The following MYO18B variants were observed in gnomAD, a reference collection of about 807,000 sequenced individuals.
MYO18B encodes unconventional myosin-XVIIIb.
MYO18B carries 204 observed loss-of-function variants against 273.0 expected under a neutral mutation model. The observed-to-expected ratio is 0.75, with a 90% CI of 0.67 to 0.84. MYO18B has a LOEUF of 0.84. Among genes scored for constraint, MYO18B ranks in the 40% least tolerant of loss-of-function variants. The probability of loss-of-function intolerance (pLI) is 0.00; values close to 1 mark genes in which losing one functional copy is unlikely to be tolerated. For missense variants in MYO18B, 3,212 were observed against 3,287.6 expected (o/e 0.98, Z 0.56); for synonymous variants, 1,330 against 1,305.7 (o/e 1.02, Z -0.40).
intron 16 of MYO18B, among the ~76,000 whole-genome samples, chr22:25,834,824 C>T (rs1344720066): frequency 1.3e-5 from 2 of 152,122 alleles, no homozygotes; most frequent in Non-Finnish European, 2.9e-5. Flanking sequence ...CTTTTTTTCT[C>T]CTCCCCAAGA....
At chr22:25,932,727 C>T (rs1013825085) in intron 34 of MYO18B, among the ~76,000 whole-genome samples, 1 of 152,028 alleles carries the variant, frequency 6.6e-6, no homozygotes, top group Non-Finnish European at 1.5e-5. Flanking sequence ...ATTTTCTAAT[C>T]CAGGAGTTGG....
rs114425004 is a variant in MYO18B, at chr22:25,921,122, G to A, written c.5365-135G>A. On this transcript the variant is annotated intron_variant, in intron 33 of 43. Transcript: ENST00000335473. Reference sequence around the variant, plus strand: ...GTTGAGGAAACTGAGGCTCGGAGAGGAGAATGGTCTTGTCCAAGGTCACAC... The same window carrying A: ...GTTGAGGAAACTGAGGCTCGGAGAGAAGAATGGTCTTGTCCAAGGTCACAC... The A allele has an allele frequency of 3.2e-4, 264 of 837,354 alleles. 2 individuals are homozygous for A. The African/African-American group carries it at 4.0e-3, about 13-fold the overall frequency. The allele number at this position is 837,354 out of a possible 1,614,324, so 51.9% of individuals were successfully genotyped here. A position where few individuals can be genotyped will look rare whatever the true frequency, so the allele number is the denominator to read the frequency against.
In MYO18B at chr22:25,982,572, A is replaced by G. The variant is rs965882959; in HGVS notation, c.6157-9791A>G. Among the ~76,000 whole-genome samples the G allele has an allele frequency of 5.9e-5, 9 of 152,214 alleles. No homozygotes were observed. The South Asian group carries it at 1.9e-3, about 32-fold the overall frequency. ...GTGCCTTCTGGAGGCCCTAGGGGAC[A>G]ATCTGTTCCAGCCTCTTCTAGCTTC... On this transcript the variant is annotated intron_variant, in intron 39 of 43. Coordinates refer to ENST00000335473, the MANE Select transcript of MYO18B (RefSeq NM_032608.7).
intron 42 of MYO18B, among the ~76,000 whole-genome samples, chr22:26,018,601 C>T (rs780661596): frequency 1.3e-5 from 2 of 152,134 alleles, no homozygotes; most frequent in Admixed American, 6.5e-5. Context: ...CTTGAGCCAT[C>T]GCCGCCATTG....
intron 39 of MYO18B, among the ~76,000 whole-genome samples, chr22:25,988,798 G>A (rs1358789591): frequency 6.6e-6 from 1 of 152,204 alleles, no homozygotes; most frequent in African/African-American, 2.4e-5. Context: ...AAAGCCCTGT[G>A]AGGGAGGGTC....
Position 25,992,510 on chromosome 22 carries a change from T to A in MYO18B, c.6287+17T>A. On this transcript the variant is annotated intron_variant, in intron 40 of 43. Transcript: ENST00000335473. ...TACTGAGAGGTAACTTGCTAGGGGC[T>A]CGGCGGGGCTGGGCGCAGCAGGTGG... 1 of 1,613,572 alleles carries A rather than the reference T, an allele frequency of 6.2e-7. No homozygotes were observed. Among genetic ancestry groups the A allele is most frequent in the Non-Finnish European group, 8.5e-7 (1 of 1,179,814 alleles).
At chr22:25,811,312 C>A in intron 12 of MYO18B, among the ~76,000 whole-genome samples, 1 of 152,060 alleles carries the variant, frequency 6.6e-6, no homozygotes, top group East Asian at 1.9e-4. Flanking sequence ...CATGAGCCAC[C>A]GCGCCAGGCT....
intron 42 of MYO18B, among the ~76,000 whole-genome samples, chr22:26,026,135 A>T (rs1936220642): frequency 6.6e-6 from 1 of 152,224 alleles, no homozygotes; most frequent in African/African-American, 2.4e-5. Flanking sequence ...CTCTGGGATG[A>T]TAGGTCCTAT....
chr22:26,009,429 C>A (rs1342222750), intron 42 of MYO18B, among the ~76,000 whole-genome samples: 1 of 152,194 alleles, frequency 6.6e-6, no homozygotes, highest in Non-Finnish European at 1.5e-5. Context: ...CATCACCTTG[C>A]TGTCCTATTG....
intron 3 of MYO18B, among the ~76,000 whole-genome samples, chr22:25,767,576 A>C (rs2086551622): frequency 1.3e-5 from 2 of 152,226 alleles, no homozygotes; most frequent in Admixed American, 6.5e-5. Context: ...GCCTAGCTGG[A>C]GAGTGTTAGA....
chr22:25,959,749 G>T (rs2092897490), intron 39 of MYO18B, among the ~76,000 whole-genome samples: 1 of 152,224 alleles, frequency 6.6e-6, no homozygotes, highest in Non-Finnish European at 1.5e-5. Flanking sequence ...TCAGCAAGTG[G>T]AGAACATGGA....
At chr22:25,787,272 GCACACACACACA>G (rs10598069) in intron 11 of MYO18B, among the ~76,000 whole-genome samples, 2,711 of 136,586 alleles carry the variant, frequency 0.02, 31 homozygotes, top group Non-Finnish European at 0.027. Context: ...GCAGGCGCGC[GCACACACACACA>G]CACACACACA....
intron 17 of MYO18B, among the ~76,000 whole-genome samples, chr22:25,839,911 C>G (rs898794856): frequency 6.6e-6 from 1 of 152,194 alleles, no homozygotes; most frequent in African/African-American, 2.4e-5. Flanking sequence ...CCTGGTGAAA[C>G]CCGTGGGCTG....
intron 12 of MYO18B, among the ~76,000 whole-genome samples, chr22:25,822,672 G>A (rs1412770668): frequency 1.3e-5 from 2 of 152,216 alleles, no homozygotes; most frequent in Non-Finnish European, 2.9e-5. Flanking sequence ...GATTAAAGAA[G>A]GAAGAGGTTT....
At chr22:25,774,919 C>T (rs368842982) in intron 7 of MYO18B, among the ~76,000 whole-genome samples, 10 of 152,342 alleles carry the variant, frequency 6.6e-5, no homozygotes, top group East Asian at 5.8e-4. Flanking sequence ...CAGAGCCCGC[C>T]GCAACTGTTG....
Position 25,798,010 on chromosome 22 carries a change from A to T in MYO18B, c.2434A>T (p.Met812Leu), listed in dbSNP as rs2145759051. ...TGCCCAGCTCCAGGGTGCCATGGAG[A>T]TGCTCGGCATCTCAGAGAGCGAGCA... ...AFAQLQGAMEMLGISESEQRA... is the reference protein window; with the variant it reads ...AFAQLQGAMELLGISESEQRA... Residue 812 changes from methionine to leucine, a missense_variant, in exon 12 of 44, where the codon ATG becomes TTG. Transcript: ENST00000335473. 6 of 1,613,828 alleles carry T rather than the reference A, an allele frequency of 3.7e-6. No individual in the cohort carries two copies. Among genetic ancestry groups the T allele is most frequent in the Non-Finnish European group, 5.1e-6 (6 of 1,179,800 alleles).
intron 34 of MYO18B, among the ~76,000 whole-genome samples, chr22:25,941,290 T>C (rs1301775002): frequency 6.6e-6 from 1 of 152,222 alleles, no homozygotes; most frequent in Non-Finnish European, 1.5e-5. Context: ...GGGGACGTGA[T>C]GATTACTCAG....
intron 20 of MYO18B, among the ~76,000 whole-genome samples, chr22:25,849,622 A>C (rs950625421): frequency 6.6e-6 from 1 of 152,120 alleles, no homozygotes; most frequent in Non-Finnish European, 1.5e-5. Context: ...CATTCATTCA[A>C]CATTACCTAT....
At chr22:25,978,440 G>A (rs2093116235) in intron 39 of MYO18B, among the ~76,000 whole-genome samples, 1 of 152,202 alleles carries the variant, frequency 6.6e-6, no homozygotes, top group East Asian at 1.9e-4. Context: ...GATGTGGGGT[G>A]CAAGGTGTGG....
Sources: allele counts gnomAD v4.1 joint callset (sites outside exome capture counted in the v4.1 genomes callset), GRCh38; gene constraint gnomAD v4.1.1; transcripts MANE v1.5; gene names NCBI Gene and HGNC (gene_info 2026-07-23, HGNC 2026-07-21).